Variants in SCARB1 observed in about 807,000 individuals in gnomAD.
SCARB1 encodes scavenger receptor class B member 1, also known as CD36 and LIMPII analogous 1.
SCARB1 carries 30 observed loss-of-function variants against 57.2 expected under a neutral mutation model. The ratio of observed to expected loss-of-function variants is 0.52; its 90% CI spans 0.39 to 0.71. SCARB1 has a LOEUF of 0.71. Among genes scored for constraint, SCARB1 ranks in the 30% least tolerant of loss-of-function variants. The pLI, the probability that SCARB1 is intolerant of heterozygous loss-of-function variation, is 0.00. For synonymous variants in SCARB1, 249 were observed against 268.3 expected (o/e 0.93, Z 0.70); for missense variants, 543 against 671.2 (o/e 0.81, Z 2.11).
chr12:124,816,244 A>T (rs1950711661), intron 2 of SCARB1, among the ~76,000 whole-genome samples: 1 of 151,840 alleles, frequency 6.6e-6, no homozygotes, highest in East Asian at 1.9e-4. Flanking sequence ...TTATTTGTCC[A>T]CTTCTTTACT....
chr12:124,848,861 G>A (rs562830270), intron 1 of SCARB1, among the ~76,000 whole-genome samples: 2 of 152,310 alleles, frequency 1.3e-5, no homozygotes, highest in South Asian at 4.1e-4. Flanking sequence ...GCAGCAAAGC[G>A]TGCATAGTAT....
intron 1 of SCARB1, among the ~76,000 whole-genome samples, chr12:124,833,996 GC>G (rs1456499142): frequency 2.0e-5 from 3 of 152,254 alleles, no homozygotes; most frequent in Non-Finnish European, 2.9e-5. Context: ...CTGCGGACGT[GC>G]CCGTGCTGCC....
At chr12:124,832,052 G>A (rs923971615) in intron 1 of SCARB1, among the ~76,000 whole-genome samples, 87 of 152,154 alleles carry the variant, frequency 5.7e-4, no homozygotes, top group Admixed American at 5.6e-3. Context: ...TGATACGAAG[G>A]AGAAACGAAG....
At position 124,814,603 on chromosome 12, in the gene SCARB1, G is replaced by C. The variant is rs1231974624; in HGVS notation, c.427-198C>G. ...CAGTGCCAAGGCCACATGTGCTCCC[G>C]AGAACCCCTTCTCCCCCTTGCACCC... On this transcript the variant is annotated intron_variant, in intron 3 of 12. Transcript: ENST00000261693. This position sits in a 1 kb window ranked among gnomAD's most constrained non-coding sequence, Gnocchi z 4.7. Among the ~76,000 whole-genome samples, 2 of 152,096 alleles carry C rather than the reference G, an allele frequency of 1.3e-5. No individual in the cohort carries two copies. The highest frequency in any genetic ancestry group is 2.4e-5 in the African/African-American group (1 of 41,412).
intron 1 of SCARB1, among the ~76,000 whole-genome samples, chr12:124,848,547 CA>C (rs1438727462): frequency 6.6e-6 from 1 of 152,214 alleles, no homozygotes; most frequent in African/African-American, 2.4e-5. Context: ...AGGATGCACC[CA>C]AAAGGCTCAG....
In SCARB1 at chr12:124,818,185, C is replaced by A. The variant is rs75860611; in HGVS notation, c.127-478G>T. On this transcript the variant is annotated intron_variant, in intron 1 of 12. Transcript: ENST00000261693. ...GAATGACCAGGACAGACCAAAAGCC[C>A]AGCTATGTGGGGCTTTACCATAGCG... Among the ~76,000 whole-genome samples, 176 of 152,316 alleles carry A rather than the reference C, an allele frequency of 1.2e-3. 2 individuals carry two copies. The East Asian group carries it at 0.032, about 28-fold the overall frequency.
At chr12:124,816,260 C>T (rs1566189950) in intron 2 of SCARB1, among the ~76,000 whole-genome samples, 1 of 150,558 alleles carries the variant, frequency 6.6e-6, no homozygotes, top group Non-Finnish European at 1.5e-5. Flanking sequence ...TTACTCTCTC[C>T]CCATCAGAAC....
At chr12:124,862,856 G>C (rs1380237104) in intron 1 of SCARB1, among the ~76,000 whole-genome samples, 1 of 152,240 alleles carries the variant, frequency 6.6e-6, no homozygotes, top group Non-Finnish European at 1.5e-5. Flanking sequence ...CTCCCTGGTT[G>C]AAAGGGCAAT....
chr12:124,843,018 A>T (rs1223097942), intron 1 of SCARB1, among the ~76,000 whole-genome samples: 1 of 152,248 alleles, frequency 6.6e-6, no homozygotes, highest in African/African-American at 2.4e-5. Context: ...AAGGAAAAAC[A>T]AGGAACTATT....
In SCARB1 at chr12:124,810,939, C is replaced by T. The variant is rs565098428; in HGVS notation, c.727-650G>A. On this transcript the variant is annotated intron_variant, in intron 5 of 12. Coordinates refer to ENST00000261693, the MANE Select transcript of SCARB1 (RefSeq NM_005505.5). This position sits in a 1 kb window ranked among gnomAD's most constrained non-coding sequence, Gnocchi z 4.0. ...GCCACTCTGGGCACCGGTTGGGGTA[C>T]GATTTGTCCCTAGCCCTCAGGGTCT... is the stretch of plus-strand genomic sequence containing the variant. Among the ~76,000 whole-genome samples the T allele has an allele frequency of 7.2e-5, 11 of 152,294 alleles. No homozygotes were observed. The highest frequency in any genetic ancestry group is 2.1e-4 in the South Asian group (1 of 4,824).
chr12:124,839,144 C>G lies in SCARB1; in HGVS notation c.127-21437G>C, dbSNP rs1266259832. 1.2e-5 allele frequency: 5 copies of G among 433,066 alleles called. No homozygotes were observed. In the East Asian group the frequency reaches 2.1e-4, roughly 18 times the overall value. 26.8% of individuals were successfully genotyped at this position (433,066 alleles called of 1,614,324 possible). A position where few individuals can be genotyped will look rare whatever the true frequency, so the allele number is the denominator to read the frequency against. The stretch of plus-strand genomic sequence containing the variant: ...ATTTGCAATGTTGTGCAATTATCAG[C>G]AACATCCATCTAAAGAACTCTTTCA... On this transcript the variant is annotated intron_variant, in intron 1 of 12. Coordinates refer to ENST00000261693, the MANE Select transcript of SCARB1 (RefSeq NM_005505.5).
chr12:124,814,298 C>A lies in SCARB1; in HGVS notation c.534G>T (p.Glu178Asp). Reference protein sequence around the residue: ...ERAFMNRTVGEIMWGYKDPLV... With the variant: ...ERAFMNRTVGDIMWGYKDPLV... ...GGGGGTCCTTGTAGCCCCACATGAT[C>A]TCACCCACAGTGCGGTTCATGAAGG... The change falls in exon 4 of 13, where the codon GAG (glutamate) becomes GAT (aspartate). Residue 178 changes from glutamate (E) to aspartate (D), a missense_variant. Physicochemically the swap from Glu to Asp is conservative, Grantham distance 45. Transcript: ENST00000261693. The surrounding 1 kb of genome is among the most constrained non-coding windows in gnomAD (Gnocchi z 4.7). The A allele has an allele frequency of 1.2e-6, 2 of 1,614,242 alleles. No individual in the cohort carries two copies. The highest frequency in any genetic ancestry group is 1.7e-6 in the Non-Finnish European group (2 of 1,180,042).
chr12:124,783,862 T>A (rs1277020587), intron 11 of SCARB1: 1 of 152,164 alleles, frequency 6.6e-6, no homozygotes, highest in Non-Finnish European at 1.5e-5. Context: ...CATAATGGGA[T>A]AAATTTCACT....
chr12:124,783,103 G>A lies in SCARB1; in HGVS notation c.1402-292C>T, dbSNP rs1949377002. On this transcript the variant is annotated intron_variant, in intron 11 of 12. Transcript: ENST00000261693. Reference sequence around the variant, plus strand: ...AAGCAAGGTGGGGAGATGGGCCATGGAGACCGACAACCAGTGGACTTAGCT... The same window carrying A: ...AAGCAAGGTGGGGAGATGGGCCATGAAGACCGACAACCAGTGGACTTAGCT... 5 of 407,810 alleles carry A rather than the reference G, an allele frequency of 1.2e-5. No homozygotes were observed. In the East Asian group the frequency reaches 2.0e-4, roughly 16 times the overall value. The allele number at this position is 407,810 out of a possible 1,614,324, so 25.3% of individuals were successfully genotyped here.
At chr12:124,831,322 C>T (rs559613610) in intron 1 of SCARB1, among the ~76,000 whole-genome samples, 1 of 152,062 alleles carries the variant, frequency 6.6e-6, no homozygotes, top group East Asian at 1.9e-4. Context: ...ACCATGTCGG[C>T]CAGGCTGAGG....
chr12:124,860,998 G>A (rs1158434985), intron 1 of SCARB1, among the ~76,000 whole-genome samples: 16 of 152,116 alleles, frequency 1.1e-4, no homozygotes, highest in Non-Finnish European at 1.2e-4. Flanking sequence ...ACAGAAAAGG[G>A]TCTAGAAAGA....
chr12:124,858,174 C>T (rs1040491022), intron 1 of SCARB1, among the ~76,000 whole-genome samples: 7 of 152,248 alleles, frequency 4.6e-5, no homozygotes, highest in African/African-American at 1.7e-4. Flanking sequence ...TGCACACATG[C>T]ACGCACACAC....
chr12:124,803,689 C>CAAAAAA (rs58564503), intron 7 of SCARB1, among the ~76,000 whole-genome samples: 1 of 47,672 alleles, frequency 2.1e-5, no homozygotes, highest in Non-Finnish European at 6.6e-5. Context: ...CCCACCTCTA[C>CAAAAAA]AAAAAAAAAA....
rs773455474 is a variant in SCARB1 at position 124,815,112 on chromosome 12, T to C, written c.287A>G (p.Glu96Gly). ...VRERGPYVYREFRHKSNITFN... is the reference protein window; with the variant it reads ...VRERGPYVYRGFRHKSNITFN... Reference sequence around the variant, plus strand: ...GGTGATGTTGCTTTTGTGCCTGAACTCCCTGTGGGGGAAGCCAGTGGGTCA... The same window carrying C: ...GGTGATGTTGCTTTTGTGCCTGAACCCCCTGTGGGGGAAGCCAGTGGGTCA... The change falls in exon 3 of 13, where the codon GAG becomes GGG. Residue 96 changes from glutamate (E) to glycine (G), a missense_variant and splice_region_variant. By Grantham distance (98) the Glu-to-Gly change is moderately conservative. Coordinates refer to ENST00000261693, the MANE Select transcript of SCARB1 (RefSeq NM_005505.5). 6.2e-7 allele frequency: 1 copy of C among 1,613,232 alleles called. No individual in the cohort carries two copies.
Sources: gnomAD v4.1 joint callset for allele counts (sites outside exome capture counted in the v4.1 genomes callset) on GRCh38, gnomAD v4.1.1 for gene constraint, Gnocchi (gnomAD v3.1) non-coding constraint, MANE v1.5 for transcripts, NCBI Gene and HGNC (gene_info 2026-07-23, HGNC 2026-07-21) for gene names.